CRADD: variants seen among roughly 807,000 people sequenced by gnomAD.
The protein encoded by CRADD is death domain-containing protein CRADD.
CRADD carries 9 observed loss-of-function variants against 15.5 expected under a neutral mutation model. The observed-to-expected ratio is 0.58, with a 90% CI of 0.35 to 1.01. CRADD has a LOEUF of 1.01. Ranked by LOEUF, CRADD falls within the 50% of genes least tolerant of loss-of-function variation. The pLI is 0.02. For missense variants in CRADD, 227 were observed against 250.3 expected, an observed-to-expected ratio of 0.91 and a Z score of 0.63; for synonymous variants, 118 against 107.6, an observed-to-expected ratio of 1.10 and a Z score of -0.60.
At chr12:93,728,835 C>T (rs184510715) in intron 2 of CRADD, among the ~76,000 whole-genome samples, 4 of 152,118 alleles carry the variant, frequency 2.6e-5, no homozygotes, top group Non-Finnish European at 4.4e-5. Flanking sequence ...CCTGGAAATA[C>T]AAGGGTTTAG....
intron 2 of CRADD, among the ~76,000 whole-genome samples, chr12:93,685,155 C>CT (rs1955402095): frequency 1.3e-5 from 2 of 152,098 alleles, no homozygotes; most frequent in Admixed American, 6.6e-5. Flanking sequence ...AGTTGTATTG[C>CT]TTTTTTTGTG....
chr12:93,743,981 A>C (rs929828629), intron 2 of CRADD, among the ~76,000 whole-genome samples: 2 of 152,230 alleles, frequency 1.3e-5, no homozygotes, highest in African/African-American at 4.8e-5. Context: ...ATAAAGATAA[A>C]TGAGTTTAAC....
At chr12:93,694,177 A>G (rs1381117017) in intron 2 of CRADD, among the ~76,000 whole-genome samples, 2 of 152,206 alleles carry the variant, frequency 1.3e-5, no homozygotes, top group African/African-American at 2.4e-5. Context: ...ACACAAATCA[A>G]TAAATATGAC....
chr12:93,699,796 C>T (rs1173392079), intron 2 of CRADD, among the ~76,000 whole-genome samples: 3 of 152,192 alleles, frequency 2.0e-5, no homozygotes, highest in Admixed American at 1.3e-4. Context: ...TCGTAGAGTG[C>T]TGTGGGCTCT....
At chr12:93,772,140 T>C (rs1407844104) in intron 2 of CRADD, among the ~76,000 whole-genome samples, 1 of 152,232 alleles carries the variant, frequency 6.6e-6, no homozygotes, top group East Asian at 1.9e-4. Flanking sequence ...GGTTTGTTGT[T>C]TGAAAAAATC....
chr12:93,786,813 C>A (rs773193959), intron 2 of CRADD, among the ~76,000 whole-genome samples: 6 of 152,130 alleles, frequency 3.9e-5, no homozygotes, highest in Non-Finnish European at 7.4e-5. Context: ...TGAGTAATGG[C>A]CCTTCTGTGA....
chr12:93,882,026 A>G (rs1004684277), intron 2 of CRADD, among the ~76,000 whole-genome samples: 6 of 152,148 alleles, frequency 3.9e-5, no homozygotes, highest in Non-Finnish European at 7.4e-5. Flanking sequence ...TGGGAGGCTG[A>G]GGCAGGAGAA....
chr12:93,837,076 G>A (rs1046491259), intron 2 of CRADD, among the ~76,000 whole-genome samples: 1 of 152,106 alleles, frequency 6.6e-6, no homozygotes, highest in African/African-American at 2.4e-5. Flanking sequence ...GGAACAGCTC[G>A]TGCAAGGCTC....
chr12:93,774,891 GA>G (rs528895938), intron 2 of CRADD, among the ~76,000 whole-genome samples: 19 of 152,304 alleles, frequency 1.2e-4, no homozygotes, highest in Non-Finnish European at 2.8e-4. Flanking sequence ...CAACAAGGTG[GA>G]AGGGACCAGC....
At chr12:93,679,260 G>A (rs1464144667) in intron 2 of CRADD, among the ~76,000 whole-genome samples, 188 bp downstream of exon 2, 1 of 152,138 alleles carries the variant, frequency 6.6e-6, no homozygotes, top group Non-Finnish European at 1.5e-5. Context: ...ACTTGCTTCA[G>A]CCTCCCGAGT....
At chr12:93,878,761 C>T (rs1162762947) in intron 2 of CRADD, among the ~76,000 whole-genome samples, 1 of 152,200 alleles carries the variant, frequency 6.6e-6, no homozygotes, top group Non-Finnish European at 1.5e-5. Flanking sequence ...CCTTTCTGCT[C>T]TAACCTGACA....
At chr12:93,793,307 A>C (rs1041965543) in intron 2 of CRADD, among the ~76,000 whole-genome samples, 1 of 152,196 alleles carries the variant, frequency 6.6e-6, no homozygotes, top group Non-Finnish European at 1.5e-5. Context: ...TTAATAAGCT[A>C]TATTACTTAA....
rs1183632068 is a variant in CRADD at position 93,889,162 on chromosome 12, TCA to T, written c.299-4886_299-4885del. The stretch of plus-strand genomic sequence containing the variant: ...GTCTTCAAAGAGGGTCTGGAAGCTC[TCA>T]CTTTTTCCTGGTTTGTGCTTGTCGG... On this transcript the variant is annotated intron_variant, in intron 2 of 2. Transcript: ENST00000548483. Among the ~76,000 whole-genome samples the T allele has an allele frequency of 3.9e-5, 6 of 152,282 alleles. No individual in the cohort carries two copies. The East Asian group carries it at 1.2e-3, about 30-fold the overall frequency.
rs115014429 is a variant in CRADD, at chr12:93,893,018, A to G, written c.299-1032A>G. Among the ~76,000 whole-genome samples, 815 of 152,306 alleles carry G rather than the reference A, an allele frequency of 5.4e-3. 8 individuals are homozygous for G. Among genetic ancestry groups the G allele is most frequent in the African/African-American group, 0.018 (764 of 41,566 alleles). On this transcript the variant is annotated intron_variant, in intron 2 of 2. Coordinates refer to the CRADD transcript ENST00000548483. ...GGCTGCAGCCGCCTGGTGCTTGACAAGGTCCCCAAGACGGGAAGGGACACA... is the reference window on the plus strand; with the variant it reads ...GGCTGCAGCCGCCTGGTGCTTGACAGGGTCCCCAAGACGGGAAGGGACACA...
chr12:93,692,832 T>C (rs1955605204), intron 2 of CRADD, among the ~76,000 whole-genome samples: 1 of 152,220 alleles, frequency 6.6e-6, no homozygotes, highest in African/African-American at 2.4e-5. Flanking sequence ...GTAATGGTTG[T>C]ATGTAAATCA....
At chr12:93,791,890 A>G (rs1029525744) in intron 2 of CRADD, among the ~76,000 whole-genome samples, 6 of 123,256 alleles carry the variant, frequency 4.9e-5, no homozygotes, top group Admixed American at 1.0e-4. Flanking sequence ...AAATAGTCCT[A>G]ATGGATTTTT....
At chr12:93,713,109 A>G (rs1956103270) in intron 2 of CRADD, among the ~76,000 whole-genome samples, 1 of 152,038 alleles carries the variant, frequency 6.6e-6, no homozygotes, top group Non-Finnish European at 1.5e-5. Flanking sequence ...CAGTTGGGGT[A>G]CATTGACCTC....
intron 2 of CRADD, among the ~76,000 whole-genome samples, chr12:93,846,899 G>C (rs1383348919): frequency 6.6e-6 from 1 of 152,132 alleles, no homozygotes. Flanking sequence ...AGGAGATCGA[G>C]ACCATCCTGG....
intron 2 of CRADD, among the ~76,000 whole-genome samples, chr12:93,835,979 A>G (rs1038751088): frequency 1.3e-5 from 2 of 152,160 alleles, no homozygotes; most frequent in Admixed American, 1.3e-4. Context: ...CTATAGGCAC[A>G]TGTAAGCAAA....
Sources: allele counts gnomAD v4.1 joint callset (sites outside exome capture counted in the v4.1 genomes callset), GRCh38; gene constraint gnomAD v4.1.1; transcripts MANE v1.5; gene names NCBI Gene and HGNC (gene_info 2026-07-23, HGNC 2026-07-21).